The following TOX3 variants were observed in gnomAD, a reference collection of about 807,000 sequenced individuals.
The protein encoded by TOX3 is TOX high mobility group box family member 3.
Under a neutral mutation model 64.3 loss-of-function variants are expected in TOX3, and 22 were observed. The ratio of observed to expected loss-of-function variants is 0.34; its 90% CI spans 0.24 to 0.49. The LOEUF (loss-of-function observed/expected upper bound fraction) is 0.49, where lower values mean the gene tolerates loss of function less well. TOX3 is among the 20% of genes least tolerant of loss of function. TOX3 has a pLI of 0.99. For synonymous variants in TOX3, 291 were observed against 273.6 expected, an observed-to-expected ratio of 1.06 and a Z score of -0.63; for missense variants, 661 against 714.4, an observed-to-expected ratio of 0.93 and a Z score of 0.85.
chr16:52,487,309 A>AT (rs1282732069), intron 1 of TOX3, among the ~76,000 whole-genome samples: 9 of 151,456 alleles, frequency 5.9e-5, no homozygotes, highest in Non-Finnish European at 1.0e-4. Flanking sequence ...CAGATGGAAA[A>AT]AAAAAAAAGA....
chr16:52,439,488 G>T lies in TOX3; in HGVS notation c.1468C>A (p.Leu490Met). 1 of 1,413,054 alleles carries T rather than the reference G, an allele frequency of 7.1e-7. No individual in the cohort carries two copies. Among genetic ancestry groups the T allele is most frequent in the Non-Finnish European group, 9.8e-7 (1 of 1,021,194 alleles). The allele number at this position is 1,413,054 out of a possible 1,614,324, so 87.5% of individuals were successfully genotyped here. The change falls in exon 7 of 7, where the codon CTG becomes ATG. Residue 490 changes from leucine to methionine, a missense_variant. Around this residue, in one of 3 missense-constraint regions of TOX3, gnomAD observed 299 missense variants for 292.1 expected, o/e 1.02. Coordinates refer to ENST00000219746, the MANE Select transcript of TOX3 (RefSeq NM_001080430.4). ...TGGAGATGCTGCTGCTGCTGCTGCA[G>T]GTGCTGCTGCATGTGGTGCTGGAAA... ...QHFQHHMQQHLQQQQQHLQQQ... is the reference protein window; with the variant it reads ...QHFQHHMQQHMQQQQQHLQQQ...
rs374622397 is a variant in TOX3, at chr16:52,450,435, G to T, written c.520C>A (p.Leu174Ile). 5.0e-6 allele frequency: 8 copies of T among 1,613,916 alleles called. No homozygotes were observed. The African/African-American group carries it at 1.1e-4, about 22-fold the overall frequency. ...ARSGVMPPAQ[L>I]TTINQSQLSA... ...AGCTGAGACTGGTTGATGGTGGTGA[G>T]CTGGGCAGGAGGCATGACCCCAGAA... Residue 174 changes from leucine to isoleucine, a missense_variant, in exon 4 of 7, where the codon CTC becomes ATC. Coordinates refer to ENST00000219746, the MANE Select transcript of TOX3 (RefSeq NM_001080430.4).
At chr16:52,464,315 A>G (rs907001602) in intron 2 of TOX3, 127 bp from the exon 3 acceptor site, 22 of 1,063,530 alleles carry the variant, frequency 2.1e-5, no homozygotes, top group Admixed American at 6.3e-5. Flanking sequence ...TTATTTCTCA[A>G]ATGAAAATAT....
chr16:52,478,920 T>C (rs1262108822), intron 1 of TOX3, among the ~76,000 whole-genome samples: 1 of 152,182 alleles, frequency 6.6e-6, no homozygotes, highest in Non-Finnish European at 1.5e-5. Flanking sequence ...AGAAGTTCAA[T>C]GATCTGGGGA....
chr16:52,486,749 T>C (rs553408102), intron 1 of TOX3, among the ~76,000 whole-genome samples: 131 of 152,098 alleles, frequency 8.6e-4, no homozygotes, highest in Non-Finnish European at 1.7e-3. Context: ...CTGGGCAACA[T>C]ATTGAGACCC....
At chr16:52,459,208 C>T (rs1289767353) in intron 3 of TOX3, among the ~76,000 whole-genome samples, 2 of 151,988 alleles carry the variant, frequency 1.3e-5, no homozygotes, top group Admixed American at 6.6e-5. Context: ...CCAAGATACT[C>T]GAGAAGCTGA....
intron 3 of TOX3, among the ~76,000 whole-genome samples, chr16:52,451,028 G>C (rs985067559): frequency 6.6e-6 from 1 of 152,180 alleles, no homozygotes; most frequent in Non-Finnish European, 1.5e-5. Context: ...AGAAGGCGAA[G>C]CCATTCTTTA....
At chr16:52,520,809 T>A (rs899039720) in intron 1 of TOX3, among the ~76,000 whole-genome samples, 11 of 152,032 alleles carry the variant, frequency 7.2e-5, no homozygotes, top group Admixed American at 6.6e-4. Context: ...ACCCTAAACA[T>A]TTTTTTTAAT....
At chr16:52,442,182 T>A (rs1960013558) in intron 6 of TOX3, among the ~76,000 whole-genome samples, 1 of 152,198 alleles carries the variant, frequency 6.6e-6, no homozygotes, top group African/African-American at 2.4e-5. Context: ...CTTTATGGCT[T>A]AATAGTAAGC....
intron 1 of TOX3, among the ~76,000 whole-genome samples, chr16:52,476,823 T>C (rs1448018745): frequency 6.6e-6 from 1 of 152,194 alleles, no homozygotes; most frequent in African/African-American, 2.4e-5. Flanking sequence ...GATATGACTG[T>C]TGATTTTAAG....
chr16:52,443,577 A>G (rs1219063893), intron 6 of TOX3, among the ~76,000 whole-genome samples: 1 of 152,228 alleles, frequency 6.6e-6, no homozygotes, highest in Non-Finnish European at 1.5e-5. Context: ...ATTTGTCTAG[A>G]GCAAAAATAT....
At chr16:52,531,783 A>G (rs539341595) in intron 1 of TOX3, among the ~76,000 whole-genome samples, 1 of 152,290 alleles carries the variant, frequency 6.6e-6, no homozygotes, top group Admixed American at 6.5e-5. Context: ...TTAAACCAGA[A>G]GTAAAGCATA....
intron 6 of TOX3, among the ~76,000 whole-genome samples, chr16:52,443,560 A>G (rs1209390451): frequency 6.6e-6 from 1 of 152,252 alleles, no homozygotes; most frequent in Non-Finnish European, 1.5e-5. Flanking sequence ...CCTACTTGTC[A>G]GAAAAAATTT....
intron 1 of TOX3, among the ~76,000 whole-genome samples, chr16:52,542,991 T>TG (rs1223014859): frequency 1.3e-5 from 2 of 152,182 alleles, no homozygotes; most frequent in Non-Finnish European, 2.9e-5. Flanking sequence ...AAGCAAAGTC[T>TG]GGGACTGATA....
At chr16:52,443,337 T>C (rs1056597700) in intron 6 of TOX3, among the ~76,000 whole-genome samples, 2 of 152,192 alleles carry the variant, frequency 1.3e-5, no homozygotes, top group African/African-American at 2.4e-5. Flanking sequence ...AAGTGGGAAG[T>C]GTCCTAATAG....
At chr16:52,514,041 A>T (rs1962380302) in intron 1 of TOX3, among the ~76,000 whole-genome samples, 1 of 152,264 alleles carries the variant, frequency 6.6e-6, no homozygotes, top group South Asian at 2.1e-4. Flanking sequence ...TTCATTCATT[A>T]AAAGTCATTG....
chr16:52,453,855 G>A (rs1370873940), intron 3 of TOX3, among the ~76,000 whole-genome samples: 1 of 152,076 alleles, frequency 6.6e-6, no homozygotes, highest in Non-Finnish European at 1.5e-5. Context: ...TCTTGTTGCT[G>A]GGGAGCTCCT....
At chr16:52,485,763 A>G (rs1961514307) in intron 1 of TOX3, among the ~76,000 whole-genome samples, 1 of 152,144 alleles carries the variant, frequency 6.6e-6, no homozygotes, top group Admixed American at 6.6e-5. Flanking sequence ...TGAGAGCATG[A>G]CCCCAGATGG....
At chr16:52,525,975 A>G (rs1184399452) in intron 1 of TOX3, among the ~76,000 whole-genome samples, 1 of 152,224 alleles carries the variant, frequency 6.6e-6, no homozygotes. Context: ...TTGGCTGTTC[A>G]GGAACTGCCC....
Sources: gnomAD v4.1 joint callset for allele counts (sites outside exome capture counted in the v4.1 genomes callset) on GRCh38, gnomAD v4.1.1 for gene constraint, gnomAD v4.1.1 regional missense constraint, MANE v1.5 for transcripts, NCBI Gene and HGNC (gene_info 2026-07-23, HGNC 2026-07-21) for gene names.